Variants in PGBD5 observed in about 807,000 individuals in gnomAD.
PGBD5 encodes the protein piggyBac transposable element derived 5.
A neutral mutation model predicts 47.9 loss-of-function variants in PGBD5; 14 were observed. The ratio of observed to expected loss-of-function variants is 0.29; its 90% CI spans 0.19 to 0.46. The LOEUF is 0.46. Among genes scored for constraint, PGBD5 ranks in the 20% least tolerant of loss-of-function variants. PGBD5 has a pLI of 1.00. For missense variants in PGBD5, 635 were observed against 716.0 expected, an observed-to-expected ratio of 0.89 and a Z score of 1.29; for synonymous variants, 316 against 306.3, an observed-to-expected ratio of 1.03 and a Z score of -0.33.
intron 1 of PGBD5, among the ~76,000 whole-genome samples, chr1:230,383,741 T>C (rs1314754995): frequency 6.6e-6 from 1 of 152,214 alleles, no homozygotes; most frequent in African/African-American, 2.4e-5. Context: ...GAGACAGCAC[T>C]GGGAGCCAGT....
chr1:230,346,699 C>T (rs1667477131), intron 3 of PGBD5, among the ~76,000 whole-genome samples: 1 of 152,188 alleles, frequency 6.6e-6, no homozygotes, highest in Admixed American at 6.5e-5. Flanking sequence ...CTCTTCTTTG[C>T]CACACCACAT....
At chr1:230,407,284 G>A (rs930119919) in intron 1 of PGBD5, among the ~76,000 whole-genome samples, 10 of 152,152 alleles carry the variant, frequency 6.6e-5, no homozygotes, top group Admixed American at 4.6e-4. Context: ...AGACTAAAGC[G>A]ACACTCAAAA....
In PGBD5 at chr1:230,325,421, G is replaced by A; in HGVS notation, c.1274-6C>T. ...CTTCCTTTTGATGATGACTCCTGAA[G>A]GCGAGAGACAAGATAAGCCCCTTCC... On this transcript the variant is annotated splice_region_variant and splice_polypyrimidine_tract_variant and intron_variant, in intron 5 of 6. Transcript: ENST00000391860. 1.2e-6 allele frequency: 2 copies of A among 1,607,820 alleles called. No individual in the cohort carries two copies. The highest frequency in any genetic ancestry group is 1.1e-5 in the South Asian group (1 of 90,524).
chr1:230,383,245 A>C (rs4846954), intron 1 of PGBD5, among the ~76,000 whole-genome samples: 1 of 151,408 alleles, frequency 6.6e-6, no homozygotes, highest in Admixed American at 6.6e-5. Flanking sequence ...AATTAAAAAA[A>C]TTTTTTTTTG....
In PGBD5 at chr1:230,357,120, C is replaced by T; in HGVS notation, c.533G>A (p.Ser178Asn). Reference sequence around the variant, plus strand: ...GAGGACGGACTCGCAGTGGGAGATGCTGGTGGAGATCATGTAGCCCAGGAA... The same window carrying T: ...GAGGACGGACTCGCAGTGGGAGATGTTGGTGGAGATCATGTAGCCCAGGAA... ...KAFLGYMISTSISHCESVLSI... is the reference protein window; with the variant it reads ...KAFLGYMISTNISHCESVLSI... Residue 178 changes from serine (S) to asparagine (N), a missense_variant, in exon 2 of 7, where the codon AGC becomes AAC. Physicochemically the swap from Ser to Asn is conservative, Grantham distance 46. Coordinates refer to ENST00000391860, the MANE Select transcript of PGBD5 (RefSeq NM_001258311.2). This position sits in a 1 kb window ranked among gnomAD's most constrained non-coding sequence, Gnocchi z 5.7. 4 of 1,614,186 alleles carry T rather than the reference C, an allele frequency of 2.5e-6. No homozygotes were observed. Among genetic ancestry groups the T allele is most frequent in the Non-Finnish European group, 3.4e-6 (4 of 1,180,054 alleles).
chr1:230,328,373 T>C (rs1667157742), intron 5 of PGBD5, among the ~76,000 whole-genome samples: 1 of 152,212 alleles, frequency 6.6e-6, no homozygotes, highest in Admixed American at 6.5e-5. Flanking sequence ...CCCCAGTTTA[T>C]AAACCAGATC....
intron 1 of PGBD5, among the ~76,000 whole-genome samples, chr1:230,380,062 G>A (rs1668072877): frequency 6.6e-6 from 1 of 152,336 alleles, no homozygotes; most frequent in Non-Finnish European, 1.5e-5. Flanking sequence ...CAGAGCAGGG[G>A]CCGTGTGCTA....
At chr1:230,401,199 T>G (rs1657130608) in intron 1 of PGBD5, among the ~76,000 whole-genome samples, 1 of 152,226 alleles carries the variant, frequency 6.6e-6, no homozygotes, top group African/African-American at 2.4e-5. Flanking sequence ...GACGCTGGCC[T>G]TGGCACCTGG....
intron 1 of PGBD5, among the ~76,000 whole-genome samples, chr1:230,368,644 G>T (rs927725752): frequency 6.6e-6 from 1 of 152,220 alleles, no homozygotes; most frequent in Non-Finnish European, 1.5e-5. Context: ...AAAGTCAAAG[G>T]CATGAAGGTG....
chr1:230,354,953 A>C (rs569789061), intron 2 of PGBD5, among the ~76,000 whole-genome samples: 9 of 152,354 alleles, frequency 5.9e-5, no homozygotes, highest in African/African-American at 2.2e-4. Flanking sequence ...AAGAGGTGGA[A>C]AAGTGAAGGC....
At chr1:230,390,620 G>A (rs1203629180) in intron 1 of PGBD5, among the ~76,000 whole-genome samples, 1 of 152,138 alleles carries the variant, frequency 6.6e-6, no homozygotes, top group Non-Finnish European at 1.5e-5. Flanking sequence ...ATCCCTACCT[G>A]CCCACTCCAG....
At chr1:230,342,396 T>G (rs757398589) in intron 3 of PGBD5, among the ~76,000 whole-genome samples, 2 of 152,250 alleles carry the variant, frequency 1.3e-5, no homozygotes, top group Admixed American at 6.5e-5. Flanking sequence ...GGTGATCCTT[T>G]GCTTGAGTCT....
At chr1:230,382,424 C>G (rs926086753) in intron 1 of PGBD5, among the ~76,000 whole-genome samples, 5 of 152,350 alleles carry the variant, frequency 3.3e-5, no homozygotes, top group Admixed American at 1.3e-4. Flanking sequence ...TAGCGGCCAA[C>G]TGTGAGCACC....
At chr1:230,335,154 TACAG>T (rs762441294) in intron 4 of PGBD5, among the ~76,000 whole-genome samples, 932 of 74,984 alleles carry the variant, frequency 0.012, 27 homozygotes, top group African/African-American at 0.046. Flanking sequence ...CAGGTACACA[TACAG>T]ACACACACAG....
chr1:230,395,452 T>C (rs1180133424), intron 1 of PGBD5, among the ~76,000 whole-genome samples: 5 of 12,274 alleles, frequency 4.1e-4, no homozygotes, highest in South Asian at 5.6e-3. Context: ...TCCCCATCCC[T>C]GAGCTCCTCT....
intron 1 of PGBD5, among the ~76,000 whole-genome samples, chr1:230,384,132 A>G (rs1185097959): frequency 3.9e-5 from 6 of 152,220 alleles, no homozygotes; most frequent in Non-Finnish European, 8.8e-5. Context: ...AGAGGGTCGG[A>G]GCAACCGGGG....
chr1:230,410,954 G>C (rs1344080892), intron 1 of PGBD5, among the ~76,000 whole-genome samples: 1 of 152,004 alleles, frequency 6.6e-6, no homozygotes, highest in Non-Finnish European at 1.5e-5. Flanking sequence ...GGGGTGGTGA[G>C]GGGAAAGGTA....
At chr1:230,413,775 T>A (rs1229277824) in intron 1 of PGBD5, among the ~76,000 whole-genome samples, 1 of 152,108 alleles carries the variant, frequency 6.6e-6, no homozygotes, top group East Asian at 1.9e-4. Flanking sequence ...TTACGCTGCA[T>A]CACAACTATC....
At chr1:230,424,158 G>C (rs975209048) in intron 1 of PGBD5, among the ~76,000 whole-genome samples, 1 of 152,130 alleles carries the variant, frequency 6.6e-6, no homozygotes, top group Admixed American at 6.5e-5. Flanking sequence ...CATCACAGAT[G>C]CTCACGGCAT....
Sources: gnomAD v4.1 joint callset for allele counts (sites outside exome capture counted in the v4.1 genomes callset) on GRCh38, gnomAD v4.1.1 for gene constraint, Gnocchi (gnomAD v3.1) non-coding constraint, MANE v1.5 for transcripts, NCBI Gene and HGNC (gene_info 2026-07-23, HGNC 2026-07-21) for gene names.